The following ATP13A4 variants were observed in gnomAD, a reference collection of about 807,000 sequenced individuals.
The protein encoded by ATP13A4 is ATPase 13A4.
In ATP13A4, 114 loss-of-function variants were observed where a neutral mutation model predicts 142.5. That is an observed-to-expected ratio of 0.80 (90% CI 0.69 to 0.93). The LOEUF (loss-of-function observed/expected upper bound fraction) is 0.93. Among genes scored for constraint, ATP13A4 ranks in the 40% least tolerant of loss-of-function variants. ATP13A4 has a pLI of 0.00. For synonymous variants in ATP13A4, 488 were observed against 514.8 expected, an observed-to-expected ratio of 0.95 and a Z score of 0.70; for missense variants, 1,392 against 1,454.0, an observed-to-expected ratio of 0.96 and a Z score of 0.69.
At chr3:193,532,820 T>C (rs1722404046) in intron 1 of ATP13A4, among the ~76,000 whole-genome samples, 1 of 152,166 alleles carries the variant, frequency 6.6e-6, no homozygotes, top group East Asian at 1.9e-4. Flanking sequence ...AGGGGAGTAG[T>C]TAAGTAAATC....
upstream of ATP13A4, among the ~76,000 whole-genome samples, chr3:193,558,179 A>G (rs1484403045): frequency 6.6e-6 from 1 of 152,208 alleles, no homozygotes; most frequent in Non-Finnish European, 1.5e-5. Flanking sequence ...CTTCTATGCA[A>G]TACTGTATTT....
chr3:193,469,501 C>G (rs1438329247), intron 9 of ATP13A4, among the ~76,000 whole-genome samples: 4 of 152,164 alleles, frequency 2.6e-5, no homozygotes, highest in Non-Finnish European at 5.9e-5. Context: ...TGGTGCACAC[C>G]TGTAATTCCA....
chr3:193,429,610 T>C (rs951831637), intron 25 of ATP13A4, among the ~76,000 whole-genome samples: 1 of 151,976 alleles, frequency 6.6e-6, no homozygotes, highest in African/African-American at 2.4e-5. Context: ...GAGTTAACCA[T>C]GGGTTGGAGG....
In ATP13A4 at chr3:193,457,471, T is replaced by G; in HGVS notation, c.1675-6A>C. The G allele has an allele frequency of 6.2e-7, 1 of 1,609,920 alleles. No homozygotes were observed. Among genetic ancestry groups the G allele is most frequent in the Non-Finnish European group, 8.5e-7 (1 of 1,176,936 alleles). ...TCCCCAGAAAAAGCCATTTCCTATT[T>G]CACAAATAGGATATTTCATTGCAGA... On this transcript the variant is annotated splice_polypyrimidine_tract_variant and splice_region_variant and intron_variant, in intron 14 of 29. Coordinates refer to ENST00000342695, the MANE Select transcript of ATP13A4 (RefSeq NM_032279.4).
At chr3:193,465,958 C>T (rs1718251653) in intron 11 of ATP13A4, 67 bp downstream of exon 11, 3 of 1,592,898 alleles carry the variant, frequency 1.9e-6, no homozygotes, top group Admixed American at 1.7e-5. Context: ...TTAAGGCCAA[C>T]ATGCACAGTA....
intron 23 of ATP13A4, 95 bp from the exon 24 acceptor site, chr3:193,435,839 A>C (rs1224874632): frequency 9.2e-7 from 1 of 1,084,976 alleles, no homozygotes; most frequent in East Asian, 2.4e-5. Flanking sequence ...GAGAAAAAAA[A>C]TCAAAAGTCA....
At chr3:193,481,400 G>A (rs1719285443) in intron 8 of ATP13A4, among the ~76,000 whole-genome samples, 1 of 152,070 alleles carries the variant, frequency 6.6e-6, no homozygotes, top group South Asian at 2.1e-4. Context: ...ATACCAAAAA[G>A]GGTTATAATA....
chr3:193,448,262 G>A lies in ATP13A4; in HGVS notation c.2096C>T (p.Thr699Ile), dbSNP rs758418780. ...GATGAGCTCTTCCAAGACAGGTTTT[G>A]TCTCTTCCTTCAATCGATTCTCCAA... ...LILENRLKEE[T>I]KPVLEELISA... Residue 699 changes from threonine to isoleucine, a missense_variant, in exon 18 of 30, where the codon ACA (threonine) becomes ATA (isoleucine). Transcript: ENST00000342695. 1.9e-6 allele frequency: 3 copies of A among 1,614,000 alleles called. No individual in the cohort carries two copies. The highest frequency in any genetic ancestry group is 2.2e-5 in the South Asian group (2 of 91,086).
chr3:193,424,988 A>C (rs560256681), intron 25 of ATP13A4, among the ~76,000 whole-genome samples: 2 of 149,170 alleles, frequency 1.3e-5, no homozygotes, highest in East Asian at 4.2e-4. Context: ...TCAAAAAAAA[A>C]CTCAATAGCA....
At chr3:193,519,704 G>A (rs565142849) in intron 1 of ATP13A4, among the ~76,000 whole-genome samples, 2 of 142,336 alleles carry the variant, frequency 1.4e-5, no homozygotes, top group East Asian at 4.2e-4. Context: ...GAGTGCAGTG[G>A]CGCAATCTCG....
chr3:193,568,343 G>T (rs1196932014), intron 2 of ATP13A4, among the ~76,000 whole-genome samples: 1 of 151,986 alleles, frequency 6.6e-6, no homozygotes, highest in Non-Finnish European at 1.5e-5. Context: ...TTCTCTAGGG[G>T]AAAAAAATGG....
intron 1 of ATP13A4, among the ~76,000 whole-genome samples, chr3:193,531,303 GAA>G (rs1212345032): frequency 9.8e-6 from 1 of 102,346 alleles, no homozygotes; most frequent in Non-Finnish European, 1.9e-5. Flanking sequence ...AGGGAGGAAG[GAA>G]GGAAGGAAGG....
At chr3:193,551,113 A>G (rs928718529) in intron 1 of ATP13A4, among the ~76,000 whole-genome samples, 2 of 152,176 alleles carry the variant, frequency 1.3e-5, no homozygotes, top group Non-Finnish European at 2.9e-5. Context: ...ACGGCCTATG[A>G]ATAAAAGTAC....
chr3:193,540,551 A>C (rs1250665944), intron 1 of ATP13A4, among the ~76,000 whole-genome samples: 2 of 151,138 alleles, frequency 1.3e-5, no homozygotes, highest in Middle Eastern at 3.2e-3. Context: ...AAAAAAAAAA[A>C]AAACCCTTCT....
At chr3:193,426,825 A>T (rs532121781) in intron 25 of ATP13A4, among the ~76,000 whole-genome samples, 1 of 146,968 alleles carries the variant, frequency 6.8e-6, no homozygotes, top group African/African-American at 2.5e-5. Flanking sequence ...ACTTCATACC[A>T]CATGTAAAAA....
intron 1 of ATP13A4, among the ~76,000 whole-genome samples, chr3:193,582,163 T>TGG (rs1560290607): frequency 5.7e-5 from 8 of 139,508 alleles, no homozygotes; most frequent in African/African-American, 1.6e-4. Context: ...TTTTTTTTTT[T>TGG]TTTTGGCGGA....
intron 13 of ATP13A4, among the ~76,000 whole-genome samples, chr3:193,460,865 TTC>T (rs1235974195): frequency 6.6e-6 from 1 of 152,194 alleles, no homozygotes; most frequent in Non-Finnish European, 1.5e-5. Context: ...CCTTTAATAG[TTC>T]TTAAAGTATC....
At chr3:193,454,507 G>A (rs1717472061) in intron 16 of ATP13A4, among the ~76,000 whole-genome samples, 1 of 152,114 alleles carries the variant, frequency 6.6e-6, no homozygotes, top group Admixed American at 6.5e-5. Context: ...TCTACCATCT[G>A]GCAGGCATTG....
intron 25 of ATP13A4, among the ~76,000 whole-genome samples, chr3:193,433,452 G>C (rs1716089193): frequency 6.6e-6 from 1 of 152,134 alleles, no homozygotes; most frequent in African/African-American, 2.4e-5. Flanking sequence ...TAAATCCTGA[G>C]AGGCTAAGAT....
Sources: allele counts gnomAD v4.1 joint callset (sites outside exome capture counted in the v4.1 genomes callset), GRCh38; gene constraint gnomAD v4.1.1; transcripts MANE v1.5; gene names NCBI Gene and HGNC (gene_info 2026-07-23, HGNC 2026-07-21).